Variants in HMGB1 observed in about 807,000 individuals in gnomAD.
HMGB1 encodes high mobility group protein B1.
For synonymous variants in HMGB1, 81 were observed against 84.0 expected, an observed-to-expected ratio of 0.96 and a Z score of 0.19; for missense variants, 79 against 253.5, an observed-to-expected ratio of 0.31 and a Z score of 4.67.
At chr13:30,588,752 A>C (rs1871256049) in intron 1 of HMGB1, among the ~76,000 whole-genome samples, 2 of 151,968 alleles carry the variant, frequency 1.3e-5, no homozygotes, top group Non-Finnish European at 2.9e-5. Context: ...CCCCGTCTCT[A>C]CTAAAAATAC....
intron 1 of HMGB1, among the ~76,000 whole-genome samples, chr13:30,598,995 A>G (rs1871741641): frequency 6.6e-6 from 1 of 152,064 alleles, no homozygotes; most frequent in Non-Finnish European, 1.5e-5. Flanking sequence ...ATTTTTTTAA[A>G]GGAATGGGGT....
chr13:30,579,970 T>C (rs1870832460), intron 1 of HMGB1, among the ~76,000 whole-genome samples: 1 of 152,154 alleles, frequency 6.6e-6, no homozygotes, highest in Non-Finnish European at 1.5e-5. Flanking sequence ...AGTCGCTCAA[T>C]TGGGAGAAAA....
intron 1 of HMGB1, chr13:30,539,619 G>GCTC (rs1204104654): frequency 1.0e-4 from 29 of 286,562 alleles, no homozygotes; most frequent in African/African-American, 6.3e-4. Flanking sequence ...TCCAGCATGA[G>GCTC]CTCCCATCCT....
chr13:30,610,553 G>A lies in HMGB1; in HGVS notation c.-15+6118C>T, dbSNP rs1181940777. On this transcript the variant is annotated intron_variant, in intron 1 of 4. Coordinates refer to the HMGB1 transcript ENST00000405805. ...ACACATGGAAAAACTGAAGCCCAGA[G>A]AGGTTAAATAATTTGCCTGAGGCCA... 5.3e-5 allele frequency among the ~76,000 whole-genome samples: 8 copies of A among 152,198 alleles called. No individual in the cohort carries two copies. In the East Asian group the frequency reaches 1.5e-3, roughly 29 times the overall value.
chr13:30,468,746 CAG>C (rs1032514763), upstream of HMGB1, among the ~76,000 whole-genome samples: 13 of 152,170 alleles, frequency 8.5e-5, no homozygotes, highest in African/African-American at 3.1e-4. Context: ...ATAAAAAAGA[CAG>C]AAATTTTAAA....
chr13:30,546,840 C>T (rs1262671231), intron 1 of HMGB1, among the ~76,000 whole-genome samples: 8 of 152,160 alleles, frequency 5.3e-5, no homozygotes, highest in Admixed American at 2.6e-4. Context: ...TCAATCCTAC[C>T]GTGAATCCAC....
At chr13:30,565,145 G>C (rs1244617108) in intron 1 of HMGB1, among the ~76,000 whole-genome samples, 3 of 152,186 alleles carry the variant, frequency 2.0e-5, no homozygotes, top group Non-Finnish European at 4.4e-5. Context: ...GCTAAGATTT[G>C]AATCCAAGTG....
intron 1 of HMGB1, among the ~76,000 whole-genome samples, chr13:30,490,946 C>A (rs1342122279): frequency 6.6e-6 from 1 of 152,080 alleles, no homozygotes; most frequent in Non-Finnish European, 1.5e-5. Context: ...TCTTCACCTG[C>A]AAGTGAATAG....
At chr13:30,510,183 G>A (rs1234757873) in intron 1 of HMGB1, among the ~76,000 whole-genome samples, 1 of 152,162 alleles carries the variant, frequency 6.6e-6, no homozygotes, top group Middle Eastern at 3.2e-3. Context: ...CAGTACCAGT[G>A]GATAGACAGG....
At chr13:30,582,462 C>A (rs1870943560) in intron 1 of HMGB1, among the ~76,000 whole-genome samples, 1 of 151,862 alleles carries the variant, frequency 6.6e-6, no homozygotes, top group Admixed American at 6.6e-5. Flanking sequence ...CACGGTGAAA[C>A]CCCGTCTCCA....
chr13:30,598,225 T>A (rs1360971832), intron 1 of HMGB1, among the ~76,000 whole-genome samples: 1 of 152,236 alleles, frequency 6.6e-6, no homozygotes, highest in East Asian at 1.9e-4. Context: ...ATGACTTACA[T>A]CTAGAGATTT....
chr13:30,466,051 G>T (rs977639698), upstream of HMGB1: 8 of 644,916 alleles, frequency 1.2e-5, no homozygotes, highest in African/African-American at 1.4e-4. Flanking sequence ...TGTCTCCGGG[G>T]ACACGTCATC....
In HMGB1 at chr13:30,560,627, G is replaced by A. The variant is rs113641323; in HGVS notation, c.-15+56044C>T. Among the ~76,000 whole-genome samples the A allele has an allele frequency of 1.4e-3, 207 of 152,256 alleles. 1 individual carries two copies. The highest frequency in any genetic ancestry group is 2.5e-3 in the Non-Finnish European group (171 of 68,016). On this transcript the variant is annotated intron_variant, in intron 1 of 4. Coordinates refer to the HMGB1 transcript ENST00000405805. ...CCGATATCAATAGAGAAGTTAAAAC[G>A]CACGCCTCAAGATTTGGGAAGGCTT...
Position 30,461,713 on chromosome 13 carries a change from C to A in HMGB1, c.472-180G>T, listed in dbSNP as rs910748301. 12 of 1,506,814 alleles carry A rather than the reference C, an allele frequency of 8.0e-6. No homozygotes were observed. The African/African-American group carries it at 1.4e-4, about 17-fold the overall frequency. The allele number at this position is 1,506,814 out of a possible 1,614,324, so 93.3% of individuals were successfully genotyped here. On this transcript the variant is annotated intron_variant, in intron 4 of 4. Transcript: ENST00000341423. ...ACTTCAATAAATGAACATAAAAATA[C>A]AAGATCATTATAACAATCTATAACT...
intron 1 of HMGB1, among the ~76,000 whole-genome samples, chr13:30,480,688 A>G (rs557544898): frequency 1.3e-5 from 2 of 152,176 alleles, no homozygotes; most frequent in East Asian, 3.9e-4. Flanking sequence ...GGTCGCTCTC[A>G]CGCAGTGCTA....
chr13:30,580,863 T>C (rs1192835940), intron 1 of HMGB1, among the ~76,000 whole-genome samples: 1 of 152,220 alleles, frequency 6.6e-6, no homozygotes, highest in Non-Finnish European at 1.5e-5. Context: ...TATTTTTCCA[T>C]GTAGCTAATC....
At chr13:30,472,104 C>T (rs958881420) in intron 1 of HMGB1, among the ~76,000 whole-genome samples, 2 of 151,986 alleles carry the variant, frequency 1.3e-5, no homozygotes, top group African/African-American at 4.8e-5. Flanking sequence ...ACGGCAAAAC[C>T]CTGTCTCTAC....
intron 1 of HMGB1, among the ~76,000 whole-genome samples, chr13:30,551,529 A>G (rs1482705120): frequency 6.6e-6 from 1 of 152,232 alleles, no homozygotes; most frequent in Non-Finnish European, 1.5e-5. Context: ...CATTCTCATT[A>G]AACTGCTGCT....
At chr13:30,607,678 G>A (rs1280794955) in intron 1 of HMGB1, among the ~76,000 whole-genome samples, 1 of 152,168 alleles carries the variant, frequency 6.6e-6, no homozygotes, top group East Asian at 1.9e-4. Flanking sequence ...AGAAGAACAT[G>A]TAACCAGAGT....
Sources: gnomAD v4.1 joint callset for allele counts (sites outside exome capture counted in the v4.1 genomes callset) on GRCh38, gnomAD v4.1.1 for gene constraint, MANE v1.5 for transcripts, NCBI Gene and HGNC (gene_info 2026-07-23, HGNC 2026-07-21) for gene names.